PACS2: variants seen among roughly 807,000 people sequenced by gnomAD.
PACS2 encodes phosphofurin acidic cluster sorting protein 2.
Under a neutral mutation model 113.0 loss-of-function variants are expected in PACS2, and 36 were observed. That is an observed-to-expected ratio of 0.32 (90% CI 0.24 to 0.42). The LOEUF is 0.42. PACS2 is among the 10% of genes least tolerant of loss of function. The probability of loss-of-function intolerance (pLI) is 1.00; values close to 1 mark genes in which losing one functional copy is unlikely to be tolerated. For synonymous variants in PACS2, 589 were observed against 536.1 expected, an observed-to-expected ratio of 1.10 and a Z score of -1.36; for missense variants, 1,015 against 1,239.5, an observed-to-expected ratio of 0.82 and a Z score of 2.72.
chr14:105,341,781 G>A (rs2059734451), intron 1 of PACS2, among the ~76,000 whole-genome samples: 1 of 152,226 alleles, frequency 6.6e-6, no homozygotes, highest in African/African-American at 2.4e-5. Context: ...TGTTTGCACA[G>A]TGGCTGTAGC....
rs587753582 is a variant in PACS2 at position 105,391,415 on chromosome 14, C to T, written c.2119+166C>T. 1.1e-4 allele frequency: 75 copies of T among 666,308 alleles called. 1 individual carries two copies. The African/African-American group carries it at 1.2e-3, about 11-fold the overall frequency. 41.3% of individuals were successfully genotyped at this position (666,308 alleles called of 1,614,324 possible). A position where few individuals can be genotyped will look rare whatever the true frequency, so the allele number is the denominator to read the frequency against. The stretch of plus-strand genomic sequence containing the variant: ...CTGCGGGGGGTTCATCCTCCAAGGA[C>T]TGCTGTCACAAAGCCCCACATCAAG... On this transcript the variant is annotated intron_variant, in intron 21 of 24. Transcript: ENST00000447393.
At chr14:105,352,842 C>A (rs2060254318) in intron 3 of PACS2, among the ~76,000 whole-genome samples, 1 of 135,638 alleles carries the variant, frequency 7.4e-6, no homozygotes, top group Non-Finnish European at 1.6e-5. Context: ...GAGACGGGCC[C>A]CCCCATCAGT....
At chr14:105,391,180 C>T (rs1555414726) in intron 20 of PACS2, 27 bp from the exon 21 acceptor site, 3 of 1,599,734 alleles carry the variant, frequency 1.9e-6, no homozygotes, top group Non-Finnish European at 2.6e-6. Context: ...GCACGGCTTT[C>T]ACCAGCCAGT....
chr14:105,319,154 G>A (rs2058787310), intron 1 of PACS2, among the ~76,000 whole-genome samples: 2 of 151,100 alleles, frequency 1.3e-5, no homozygotes, highest in Non-Finnish European at 2.9e-5. Context: ...CACCATGTTG[G>A]CCAGGATGGT....
At chr14:105,381,506 G>A (rs1292850829) in intron 12 of PACS2, among the ~76,000 whole-genome samples, 1 of 152,252 alleles carries the variant, frequency 6.6e-6, no homozygotes, top group Non-Finnish European at 1.5e-5. Flanking sequence ...ACCTTGTGGT[G>A]GCACGCAGGT....
rs782373206 is a variant in PACS2, at chr14:105,391,747, G to A, written c.2236G>A (p.Gly746Arg). 2.2e-5 allele frequency: 35 copies of A among 1,595,114 alleles called. 1 individual carries two copies. Among genetic ancestry groups the A allele is most frequent in the Middle Eastern group, 3.3e-4 (2 of 6,034 alleles). The change falls in exon 22 of 25, where the codon GGA becomes AGA. Residue 746 changes from glycine to arginine, a missense_variant. By Grantham distance (125) the Gly-to-Arg change is moderately radical. Transcript: ENST00000447393. Reference protein sequence around the residue: ...PTPPSSPSVSGGLSSPSQGVG... With the variant: ...PTPPSSPSVSRGLSSPSQGVG... ...CCCGCCCTCCTCCCCGTCGGTGAGCGGAGGCCTGTCCTCCCCCAGGTAAAG... is the reference window on the plus strand; with the variant it reads ...CCCGCCCTCCTCCCCGTCGGTGAGCAGAGGCCTGTCCTCCCCCAGGTAAAG...
chr14:105,310,533 CAAAA>C (rs764203821), upstream of PACS2, among the ~76,000 whole-genome samples: 1 of 79,742 alleles, frequency 1.3e-5, no homozygotes. Flanking sequence ...GACTCTGTCT[CAAAA>C]AAAAAAAAAA....
intron 19 of PACS2, 74 bp downstream of exon 19, chr14:105,385,791 C>A (rs587773340): frequency 3.2e-5 from 30 of 927,600 alleles, no homozygotes; most frequent in African/African-American, 1.7e-4. Context: ...GGCAGAGTCA[C>A]GTAGGAATCA....
intron 23 of PACS2, 48 bp from the exon 24 acceptor site, chr14:105,393,174 C>G (rs368851075): frequency 1.4e-6 from 2 of 1,459,392 alleles, no homozygotes; most frequent in South Asian, 2.3e-5. Context: ...CTGGCCCCAG[C>G]CCCGAAGGAG....
intron 18 of PACS2, 114 bp downstream of exon 18, chr14:105,385,101 G>T: frequency 1.4e-6 from 1 of 718,018 alleles, no homozygotes; most frequent in Admixed American, 2.2e-5. Context: ...CCCTGCACCG[G>T]GCTTAGACCA....
rs1173653712 is a variant in PACS2, at chr14:105,323,606, T to C, written c.119+8569T>C. 6.6e-6 allele frequency among the ~76,000 whole-genome samples: 1 copy of C among 152,104 alleles called. No homozygotes were observed. ...GGGGAAGTCGCTGGACTATTTCAAG[T>C]GTGTGTATTTGGGAGAGCAGTGCTG... is the stretch of plus-strand genomic sequence containing the variant. On this transcript the variant is annotated intron_variant, in intron 1 of 24. Coordinates refer to ENST00000447393, the MANE Select transcript of PACS2 (RefSeq NM_001100913.3). This position sits in a 1 kb window ranked among gnomAD's most constrained non-coding sequence, Gnocchi z 4.1.
chr14:105,364,531 C>T (rs1474444721), intron 4 of PACS2, among the ~76,000 whole-genome samples: 1 of 150,396 alleles, frequency 6.6e-6, no homozygotes, highest in Non-Finnish European at 1.5e-5. Flanking sequence ...GCGCGGTGGG[C>T]GGCACCATCC....
intron 4 of PACS2, among the ~76,000 whole-genome samples, chr14:105,364,311 C>G (rs1169427330): frequency 7.3e-6 from 1 of 137,540 alleles, no homozygotes; most frequent in African/African-American, 2.7e-5. Context: ...GGTGGGCGTC[C>G]CGGGTGCGCG....
At chr14:105,307,323 C>G (rs1004036041) in intron 1 of PACS2, among the ~76,000 whole-genome samples, 4 of 152,178 alleles carry the variant, frequency 2.6e-5, no homozygotes, top group Non-Finnish European at 4.4e-5. Context: ...AGGCCAGGTA[C>G]CAGCTAGCTA....
chr14:105,374,298 C>T (rs2061264877), intron 8 of PACS2, among the ~76,000 whole-genome samples: 1 of 152,170 alleles, frequency 6.6e-6, no homozygotes, highest in East Asian at 1.9e-4. Flanking sequence ...GCATAAGCAA[C>T]AAAAGGTAAG....
chr14:105,318,861 C>T (rs1456290232), intron 1 of PACS2, among the ~76,000 whole-genome samples: 10 of 151,792 alleles, frequency 6.6e-5, no homozygotes, highest in Admixed American at 4.6e-4. Context: ...GGGGTTTCAC[C>T]GTGTTAGCCA....
At chr14:105,363,413 T>TCCGTCAGCACTTGCCGCTTCA (rs2060807563) in intron 4 of PACS2, among the ~76,000 whole-genome samples, 1 of 152,226 alleles carries the variant, frequency 6.6e-6, no homozygotes, top group African/African-American at 2.4e-5. Flanking sequence ...CTGCAGCTTC[T>TCCGTCAGCACTTGCCGCTTCA]CCGTCAGCAC....
Position 105,355,616 on chromosome 14 carries a change from T to C in PACS2, c.423+439T>C, listed in dbSNP as rs1313057549. On this transcript the variant is annotated intron_variant, in intron 4 of 24. Transcript: ENST00000447393. This position sits in a 1 kb window ranked among gnomAD's most constrained non-coding sequence, Gnocchi z 4.1. ...GCAGGAGCAGGACAGGTGTCAGTTC[T>C]GTGAAGGGGCTAGCGACAATACCCG... Among the ~76,000 whole-genome samples the C allele has an allele frequency of 2.0e-5, 3 of 152,170 alleles. No homozygotes were observed. Among genetic ancestry groups the C allele is most frequent in the African/African-American group, 7.2e-5 (3 of 41,434 alleles).
chr14:105,359,497 A>G (rs1435714710), intron 4 of PACS2, among the ~76,000 whole-genome samples: 13 of 150,772 alleles, frequency 8.6e-5, no homozygotes, highest in Non-Finnish European at 8.8e-5. Flanking sequence ...TAGTGGAGAC[A>G]GGGTTTCACC....
Sources: allele counts gnomAD v4.1 joint callset (sites outside exome capture counted in the v4.1 genomes callset), GRCh38; gene constraint gnomAD v4.1.1; non-coding constraint Gnocchi (gnomAD v3.1); transcripts MANE v1.5; gene names NCBI Gene and HGNC (gene_info 2026-07-23, HGNC 2026-07-21).